COL22A1: variants seen among roughly 807,000 people sequenced by gnomAD.
The protein encoded by COL22A1 is collagen type XXII alpha 1 chain, also known as collagen alpha-1(XXII) chain.
Under a neutral mutation model 248.9 loss-of-function variants are expected in COL22A1, and 221 were observed. That is an observed-to-expected ratio of 0.89 (90% confidence interval 0.80 to 0.99). The LOEUF (loss-of-function observed/expected upper bound fraction) is 0.99. Ranked by LOEUF, COL22A1 falls within the 50% of genes least tolerant of loss-of-function variation. The pLI is 0.00. For missense variants in COL22A1, 2,240 were observed against 2,179.0 expected, an observed-to-expected ratio of 1.03 and a Z score of -0.56; for synonymous variants, 891 against 793.4, an observed-to-expected ratio of 1.12 and a Z score of -2.07.
At chr8:138,593,379 TAAA>T (rs1564072296) in intron 63 of COL22A1, among the ~76,000 whole-genome samples, 32 of 148,952 alleles carry the variant, frequency 2.1e-4, no homozygotes, top group African/African-American at 8.1e-4. Context: ...GAACTTGAAG[TAAA>T]TTTTTTTTTT....
chr8:138,720,692 C>A lies in COL22A1; in HGVS notation c.2355+47G>T, dbSNP rs777100948. On this transcript the variant is annotated intron_variant, in intron 27 of 64. Coordinates refer to ENST00000303045, the MANE Select transcript of COL22A1 (RefSeq NM_152888.3). ...AGATTCACACACCACCCCAAATAGA[C>A]CACTCAGAATAGCAAGCATAATGGG... 8 of 1,485,078 alleles carry A rather than the reference C, an allele frequency of 5.4e-6. No individual in the cohort carries two copies. In the South Asian group the frequency reaches 9.0e-5, roughly 17 times the overall value. 92.0% of individuals were successfully genotyped at this position (1,485,078 alleles called of 1,614,324 possible). A position where few individuals can be genotyped will look rare whatever the true frequency, so the allele number is the denominator to read the frequency against.
chr8:138,604,884 C>T (rs1487689353), intron 58 of COL22A1, 115 bp from the exon 59 acceptor site: 2 of 956,076 alleles, frequency 2.1e-6, no homozygotes, highest in Non-Finnish European at 3.3e-6. Context: ...AGACAACAAT[C>T]GATGGTCTAC....
intron 47 of COL22A1, among the ~76,000 whole-genome samples, chr8:138,643,540 G>A (rs72727839): frequency 0.016 from 2,397 of 152,088 alleles, 34 homozygotes; most frequent in Middle Eastern, 0.034. Context: ...GGTAAGGAAA[G>A]TGAATCACTC....
chr8:138,805,992 T>C (rs575018427), intron 10 of COL22A1, among the ~76,000 whole-genome samples: 1 of 67,652 alleles, frequency 1.5e-5, no homozygotes, highest in East Asian at 5.3e-4. Context: ...TTGTGTGTGA[T>C]GGTGTGTGTG....
At chr8:138,597,972 A>T (rs1289596746) in intron 61 of COL22A1, among the ~76,000 whole-genome samples, 2 of 152,136 alleles carry the variant, frequency 1.3e-5, no homozygotes, top group Non-Finnish European at 2.9e-5. Flanking sequence ...AGAGCATCAG[A>T]AGTGGCAGGG....
intron 3 of COL22A1, among the ~76,000 whole-genome samples, chr8:138,856,164 G>A (rs867928538): frequency 2.6e-5 from 4 of 152,324 alleles, no homozygotes; most frequent in Admixed American, 1.3e-4. Context: ...TTCTGCACCC[G>A]CCAGCTGTGC....
intron 30 of COL22A1, among the ~76,000 whole-genome samples, chr8:138,707,611 T>A (rs7846134): frequency 0.69 from 104,943 of 152,050 alleles, 36,464 homozygotes; most frequent in East Asian, 0.94. Context: ...ACTCTCAATA[T>A]ATTAGGTATT....
intron 31 of COL22A1, among the ~76,000 whole-genome samples, chr8:138,702,431 C>T (rs935756989): frequency 6.6e-6 from 1 of 152,070 alleles, no homozygotes; most frequent in Non-Finnish European, 1.5e-5. Flanking sequence ...TGCCACACTA[C>T]AAATGGGATT....
intron 30 of COL22A1, among the ~76,000 whole-genome samples, chr8:138,709,169 A>G (rs1050698686): frequency 6.6e-6 from 1 of 152,178 alleles, no homozygotes; most frequent in African/African-American, 2.4e-5. Flanking sequence ...GAGAAATAGG[A>G]ACACTTTTAC....
chr8:138,774,841 A>G (rs1247781424), intron 16 of COL22A1, among the ~76,000 whole-genome samples: 2 of 152,198 alleles, frequency 1.3e-5, no homozygotes, highest in African/African-American at 4.8e-5. Flanking sequence ...AACAAGCTCT[A>G]AAAACTCTAC....
At position 138,724,596 on chromosome 8, in the gene COL22A1, G is replaced by A. The variant is rs773547012; in HGVS notation, c.2247+19C>T. On this transcript the variant is annotated intron_variant, in intron 25 of 64. Coordinates refer to ENST00000303045, the MANE Select transcript of COL22A1 (RefSeq NM_152888.3). ...GGGAGAGGGAGGAGGGGAGCAGGAAGATGTTTCCGAACACTCACCGTGGGC... is the reference window on the plus strand; with the variant it reads ...GGGAGAGGGAGGAGGGGAGCAGGAAAATGTTTCCGAACACTCACCGTGGGC... The A allele has an allele frequency of 3.1e-6, 5 of 1,612,844 alleles. No homozygotes were observed. In the African/African-American group the frequency reaches 6.7e-5, roughly 22 times the overall value.
chr8:138,697,894 T>C (rs1008154841), intron 32 of COL22A1, among the ~76,000 whole-genome samples: 2 of 152,204 alleles, frequency 1.3e-5, no homozygotes, highest in African/African-American at 4.8e-5. Flanking sequence ...AATGAAACTT[T>C]TTTTTTCCAT....
chr8:138,604,379 G>A (rs1818269120), intron 59 of COL22A1, among the ~76,000 whole-genome samples: 1 of 152,220 alleles, frequency 6.6e-6, no homozygotes, highest in African/African-American at 2.4e-5. Context: ...TCAAGTGAGA[G>A]CAGGTGACAG....
chr8:138,752,429 G>A (rs1273822295), intron 21 of COL22A1, among the ~76,000 whole-genome samples: 1 of 152,194 alleles, frequency 6.6e-6, no homozygotes, highest in Admixed American at 6.5e-5. Flanking sequence ...TACATCAAAG[G>A]TCCTTTCTCT....
intron 12 of COL22A1, among the ~76,000 whole-genome samples, chr8:138,781,292 C>T (rs16909610): frequency 0.016 from 2,452 of 152,278 alleles, 30 homozygotes; most frequent in Middle Eastern, 0.027. Context: ...GGCCCTTCCT[C>T]GCCCTGGGCT....
intron 44 of COL22A1, among the ~76,000 whole-genome samples, chr8:138,657,959 C>T (rs1253699578): frequency 6.9e-6 from 1 of 145,502 alleles, no homozygotes; most frequent in Non-Finnish European, 1.5e-5. Context: ...ACATTTTTTA[C>T]TGTTTTTTTC....
intron 6 of COL22A1, chr8:138,826,150 C>G (rs1443993906): frequency 6.4e-6 from 1 of 157,096 alleles, no homozygotes; most frequent in African/African-American, 2.4e-5. Flanking sequence ...CCATCTGATT[C>G]TCCCACCAAC....
Position 138,693,546 on chromosome 8 carries a change from C to T in COL22A1, c.2754+100G>A, listed in dbSNP as rs771238339. The T allele has an allele frequency of 8.4e-4, 1,081 of 1,284,196 alleles. 2 individuals carry two copies. The highest frequency in any genetic ancestry group is 1.0e-3 in the Non-Finnish European group (940 of 907,534). 79.6% of individuals were successfully genotyped at this position (1,284,196 alleles called of 1,614,324 possible). A position where few individuals can be genotyped will look rare whatever the true frequency, so the allele number is the denominator to read the frequency against. On this transcript the variant is annotated intron_variant, in intron 35 of 64. Coordinates refer to ENST00000303045, the MANE Select transcript of COL22A1 (RefSeq NM_152888.3). ...GGGTGAACCTTCTGGGCCACGTCCTCCTAGCTAGCCCAGAGCTGTGAGCCA... is the reference window on the plus strand; with the variant it reads ...GGGTGAACCTTCTGGGCCACGTCCTTCTAGCTAGCCCAGAGCTGTGAGCCA...
chr8:138,672,858 T>C (rs993479239), intron 41 of COL22A1, among the ~76,000 whole-genome samples: 1 of 152,224 alleles, frequency 6.6e-6, no homozygotes, highest in Non-Finnish European at 1.5e-5. Flanking sequence ...GGGTTACATG[T>C]GGGACCTTAT....
Sources: allele counts gnomAD v4.1 joint callset (sites outside exome capture counted in the v4.1 genomes callset), GRCh38; gene constraint gnomAD v4.1.1; transcripts MANE v1.5; gene names NCBI Gene and HGNC (gene_info 2026-07-23, HGNC 2026-07-21).